The following NR2C2 variants were observed in gnomAD, a reference collection of about 807,000 sequenced individuals.
NR2C2 encodes the protein Nuclear hormone receptor TR4.
A neutral mutation model predicts 62.9 loss-of-function variants in NR2C2; 6 were observed. The observed-to-expected ratio is 0.10, with a 90% CI of 0.05 to 0.19. The LOEUF (loss-of-function observed/expected upper bound fraction) is 0.19. Ranked by LOEUF, NR2C2 falls within the 10% of genes least tolerant of loss-of-function variation. The pLI is 1.00. For synonymous variants in NR2C2, 272 were observed against 273.8 expected (o/e 0.99, Z 0.07); for missense variants, 479 against 762.7 (o/e 0.63, Z 4.38).
chr3:14,973,595 A>G (rs1428446775), intron 1 of NR2C2, among the ~76,000 whole-genome samples: 5 of 150,838 alleles, frequency 3.3e-5, no homozygotes, highest in African/African-American at 1.2e-4. Flanking sequence ...TAGGTCTATG[A>G]TCCAGTTATA....
rs776213938 is a variant in NR2C2 at position 15,048,599 on chromosome 3, T to TA, written c.*5597dup. 4 of 152,664 alleles carry TA rather than the reference T, an allele frequency of 2.6e-5. No homozygotes were observed. The highest frequency in any genetic ancestry group is 4.4e-5 in the Non-Finnish European group (3 of 68,042). The allele number at this position is 152,664 out of a possible 1,614,324, so 9.5% of individuals were successfully genotyped here. A position where few individuals can be genotyped will look rare whatever the true frequency, so the allele number is the denominator to read the frequency against. On this transcript the variant is annotated 3_prime_UTR_variant, in exon 14 of 14. Transcript: ENST00000425241. ...CATTTGGAAGTAGTAGACTTTGCATTAAAAAATGGCTTTTCTTTAGGAAAG... is the reference window on the plus strand; with the variant it reads ...CATTTGGAAGTAGTAGACTTTGCATTAAAAAAATGGCTTTTCTTTAGGAAAG...
intron 1 of NR2C2, among the ~76,000 whole-genome samples, chr3:14,975,178 A>T (rs551628021): frequency 2.0e-4 from 30 of 152,188 alleles, no homozygotes; most frequent in African/African-American, 7.0e-4. Context: ...TGAATGAGGG[A>T]TAATTTTACT....
chr3:15,048,227 T>G lies in NR2C2; in HGVS notation c.*5219T>G, dbSNP rs561955648. Reference sequence around the variant, plus strand: ...CCCTGTTTTTGATGTAGAGAAAGCTTCTATTTCACTGGCCTCATCCCACAA... The same window carrying G: ...CCCTGTTTTTGATGTAGAGAAAGCTGCTATTTCACTGGCCTCATCCCACAA... On this transcript the variant is annotated 3_prime_UTR_variant, in exon 14 of 14. Coordinates refer to ENST00000425241, the MANE Select transcript of NR2C2 (RefSeq NM_001291694.2). The G allele has an allele frequency of 2.0e-5, 3 of 152,804 alleles. No homozygotes were observed. In the South Asian group the frequency reaches 6.2e-4, roughly 32 times the overall value. The allele number at this position is 152,804 out of a possible 1,614,324, so 9.5% of individuals were successfully genotyped here. A position where few individuals can be genotyped will look rare whatever the true frequency, so the allele number is the denominator to read the frequency against.
chr3:14,954,398 A>C (rs1250731437), intron 1 of NR2C2, among the ~76,000 whole-genome samples: 2 of 152,232 alleles, frequency 1.3e-5, no homozygotes, highest in African/African-American at 4.8e-5. Flanking sequence ...CAAACGAAGA[A>C]AAGAAAGCAG....
At chr3:14,958,772 TC>T (rs1474731780) in intron 1 of NR2C2, among the ~76,000 whole-genome samples, 1 of 152,136 alleles carries the variant, frequency 6.6e-6, no homozygotes, top group African/African-American at 2.4e-5. Context: ...GGTCAGGAGA[TC>T]CAGACCATCC....
At chr3:14,997,573 G>C (rs896885519) in intron 1 of NR2C2, among the ~76,000 whole-genome samples, 1 of 152,138 alleles carries the variant, frequency 6.6e-6, no homozygotes, top group Non-Finnish European at 1.5e-5. Context: ...CAGGATCTCA[G>C]CCTCACCATA....
Position 15,048,107 on chromosome 3 carries a change from T to C in NR2C2, c.*5099T>C, listed in dbSNP as rs2042520668. 1 of 152,670 alleles carries C rather than the reference T, an allele frequency of 6.6e-6. No homozygotes were observed. The highest frequency in any genetic ancestry group is 1.5e-5 in the Non-Finnish European group (1 of 68,052). The allele number at this position is 152,670 out of a possible 1,614,324, so 9.5% of individuals were successfully genotyped here. On this transcript the variant is annotated 3_prime_UTR_variant, in exon 14 of 14. Coordinates refer to ENST00000425241, the MANE Select transcript of NR2C2 (RefSeq NM_001291694.2). ...TAATCCACAGTTTCCTCTTTTTCTT[T>C]TTAAAATAAGTTATCAAAATGTTTT... is the stretch of plus-strand genomic sequence containing the variant.
At chr3:14,954,401 GAA>G (rs1243567799) in intron 1 of NR2C2, among the ~76,000 whole-genome samples, 1 of 152,050 alleles carries the variant, frequency 6.6e-6, no homozygotes, top group East Asian at 1.9e-4. Flanking sequence ...ACGAAGAAAA[GAA>G]AGCAGTACAT....
chr3:15,015,845 A>T (rs373713092), intron 3 of NR2C2, among the ~76,000 whole-genome samples: 109 of 152,324 alleles, frequency 7.2e-4, no homozygotes, highest in African/African-American at 2.5e-3. Context: ...TCTGTCACCC[A>T]GCCTGGAGTG....
chr3:14,977,806 A>G (rs2125316011), intron 1 of NR2C2, among the ~76,000 whole-genome samples: 1 of 152,252 alleles, frequency 6.6e-6, no homozygotes, highest in South Asian at 2.1e-4. Context: ...CTCTACTAAA[A>G]TACAAAATAT....
intron 1 of NR2C2, among the ~76,000 whole-genome samples, chr3:14,981,850 C>T (rs1300614586): frequency 6.6e-6 from 1 of 152,162 alleles, no homozygotes; most frequent in Non-Finnish European, 1.5e-5. Context: ...CAGGAAGCAT[C>T]CAGCACAGGA....
At chr3:15,036,784 C>T (rs2042114851) in intron 11 of NR2C2, among the ~76,000 whole-genome samples, 1 of 152,170 alleles carries the variant, frequency 6.6e-6, no homozygotes, top group Admixed American at 6.5e-5. Context: ...ATTTGTTTTT[C>T]TAGTTATTTC....
At chr3:15,012,717 G>A (rs1445626789) in intron 2 of NR2C2, among the ~76,000 whole-genome samples, 1 of 152,194 alleles carries the variant, frequency 6.6e-6, no homozygotes, top group Non-Finnish European at 1.5e-5. Context: ...CTGCTAGCCA[G>A]GAACATCTGG....
intron 4 of NR2C2, among the ~76,000 whole-genome samples, chr3:15,019,165 G>A (rs538277458): frequency 1.6e-4 from 24 of 151,634 alleles, no homozygotes; most frequent in African/African-American, 5.8e-4. Context: ...GGTGGAGGTT[G>A]CAGTGAGCCG....
chr3:15,006,806 G>A (rs553459500), intron 2 of NR2C2, among the ~76,000 whole-genome samples: 4 of 144,386 alleles, frequency 2.8e-5, no homozygotes, highest in Admixed American at 7.1e-5. Context: ...AAGGCATTTC[G>A]CTCTTGTCGC....
rs146750810 is a variant in NR2C2 at position 14,994,197 on chromosome 3, A to C, written c.-39-9679A>C. 1.1e-3 allele frequency among the ~76,000 whole-genome samples: 164 copies of C among 152,306 alleles called. 3 individuals are homozygous for C. In the East Asian group the frequency reaches 0.027, roughly 25 times the overall value. On this transcript the variant is annotated intron_variant, in intron 1 of 13. Transcript: ENST00000425241. ...ACTCATCTGCGTACTGATTTTAAAT[A>C]AACTTTTTATTGTAGTATAACATAC...
chr3:14,996,161 T>C (rs1404736552), intron 1 of NR2C2, among the ~76,000 whole-genome samples: 2 of 152,240 alleles, frequency 1.3e-5, no homozygotes, highest in African/African-American at 2.4e-5. Context: ...CAAAAGATTT[T>C]AATGTTGGTA....
chr3:14,983,382 C>A (rs1005004717), intron 1 of NR2C2, among the ~76,000 whole-genome samples: 7 of 151,078 alleles, frequency 4.6e-5, no homozygotes, highest in African/African-American at 1.5e-4. Flanking sequence ...TGTGAATTAG[C>A]TTGACTTTGT....
intron 11 of NR2C2, among the ~76,000 whole-genome samples, chr3:15,036,581 C>G (rs1314781878): frequency 6.6e-6 from 1 of 152,144 alleles, no homozygotes; most frequent in Non-Finnish European, 1.5e-5. Flanking sequence ...CCTTGAACCC[C>G]TGGGCTCAAG....
Sources: gnomAD v4.1 joint callset for allele counts (sites outside exome capture counted in the v4.1 genomes callset) on GRCh38, gnomAD v4.1.1 for gene constraint, MANE v1.5 for transcripts, NCBI Gene and HGNC (gene_info 2026-07-23, HGNC 2026-07-21) for gene names.